LTBP1: variants seen among roughly 807,000 people sequenced by gnomAD.
The protein encoded by LTBP1 is latent-transforming growth factor beta-binding protein 1.
In LTBP1, 129 loss-of-function variants were observed where a neutral mutation model predicts 207.6. The ratio of observed to expected loss-of-function variants is 0.62; its 90% CI spans 0.54 to 0.72. LTBP1 has a LOEUF of 0.72. Among genes scored for constraint, LTBP1 ranks in the 30% least tolerant of loss-of-function variants. The pLI is 0.00. For synonymous variants in LTBP1, 963 were observed against 833.7 expected (o/e 1.16, Z -2.67); for missense variants, 2,281 against 2,217.2 (o/e 1.03, Z -0.58).
chr2:33,268,601 A>G (rs1454671982), intron 15 of LTBP1, among the ~76,000 whole-genome samples: 1 of 152,236 alleles, frequency 6.6e-6, no homozygotes, highest in Non-Finnish European at 1.5e-5. Context: ...TTTCAAGTGA[A>G]TTATATGTTT....
At chr2:33,200,813 G>A (rs556401016) in intron 7 of LTBP1, among the ~76,000 whole-genome samples, 123 of 152,204 alleles carry the variant, frequency 8.1e-4, no homozygotes, top group East Asian at 3.3e-3. Flanking sequence ...AAAAGTGGGC[G>A]AAGGATATGA....
At chr2:33,031,890 G>C (rs2075706378) in intron 3 of LTBP1, among the ~76,000 whole-genome samples, 1 of 152,172 alleles carries the variant, frequency 6.6e-6, no homozygotes, top group Admixed American at 6.5e-5. Context: ...TGGAAAGCCA[G>C]GTCAGGTGGG....
At chr2:33,273,595 G>C in intron 15 of LTBP1, 61 bp from the exon 16 acceptor site, 1 of 1,361,502 alleles carries the variant, frequency 7.3e-7, no homozygotes, top group East Asian at 2.5e-5. Context: ...TACTTTGAGA[G>C]TAGCAGTGAA....
rs114376718 is a variant in LTBP1, at chr2:33,323,972, G to A, written c.3730+8703G>A. ...CTTCTAAGCTGTGTGAACTTGGTGA[G>A]TGCTTCAGTTCCCTCTCTGTATAGT... On this transcript the variant is annotated intron_variant, in intron 24 of 33. Transcript: ENST00000404816. Among the ~76,000 whole-genome samples the A allele has an allele frequency of 3.3e-3, 503 of 152,274 alleles. 3 individuals carry two copies. Among genetic ancestry groups the A allele is most frequent in the African/African-American group, 0.012 (481 of 41,548 alleles).
chr2:33,320,927 T>C (rs1008591299), intron 24 of LTBP1, among the ~76,000 whole-genome samples: 3 of 152,222 alleles, frequency 2.0e-5, no homozygotes, highest in Non-Finnish European at 4.4e-5. Flanking sequence ...TCTTAAAGTC[T>C]TTTTGAAAAC....
intron 5 of LTBP1, among the ~76,000 whole-genome samples, chr2:33,184,381 C>T (rs1180472565): frequency 1.3e-5 from 2 of 152,156 alleles, no homozygotes; most frequent in Non-Finnish European, 2.9e-5. Flanking sequence ...CTCTTCCCTT[C>T]CCTCTAGAAC....
At chr2:33,336,001 A>C (rs2094549945) in intron 24 of LTBP1, among the ~76,000 whole-genome samples, 1 of 152,146 alleles carries the variant, frequency 6.6e-6, no homozygotes, top group Non-Finnish European at 1.5e-5. Context: ...GAGACTTGCA[A>C]CCATGGGTGC....
chr2:33,311,159 C>T (rs370825994), intron 23 of LTBP1, among the ~76,000 whole-genome samples: 24 of 152,124 alleles, frequency 1.6e-4, no homozygotes, highest in Middle Eastern at 3.4e-3. Flanking sequence ...TCTATATTAC[C>T]GGTCACACCC....
chr2:33,155,615 C>G (rs939598465), intron 5 of LTBP1, among the ~76,000 whole-genome samples: 2 of 152,108 alleles, frequency 1.3e-5, no homozygotes, highest in Non-Finnish European at 2.9e-5. Flanking sequence ...CATCTCACCA[C>G]CACCAAGAAG....
intron 5 of LTBP1, among the ~76,000 whole-genome samples, chr2:33,140,506 A>G (rs1250174717): frequency 2.0e-5 from 3 of 152,196 alleles, no homozygotes; most frequent in Non-Finnish European, 2.9e-5. Context: ...AGTAAAAGAA[A>G]GTGGTTGCTT....
At chr2:33,309,977 C>T (rs1477928793) in intron 23 of LTBP1, among the ~76,000 whole-genome samples, 6 of 146,436 alleles carry the variant, frequency 4.1e-5, no homozygotes, top group Admixed American at 2.0e-4. Context: ...GACAGAGTCT[C>T]GCTCTTGTCA....
intron 3 of LTBP1, among the ~76,000 whole-genome samples, chr2:33,077,254 C>T (rs1474450530): frequency 3.9e-5 from 6 of 152,164 alleles, no homozygotes; most frequent in African/African-American, 1.2e-4. Flanking sequence ...AACTGGGATT[C>T]CAAGGAATTA....
intron 5 of LTBP1, among the ~76,000 whole-genome samples, chr2:33,184,020 C>G (rs2086927657): frequency 6.6e-6 from 1 of 152,150 alleles, no homozygotes; most frequent in Non-Finnish European, 1.5e-5. Context: ...CTCTTTTCCT[C>G]CTGTGTCCCA....
chr2:33,196,190 G>A (rs1320797953), intron 7 of LTBP1, among the ~76,000 whole-genome samples: 4 of 152,220 alleles, frequency 2.6e-5, no homozygotes, highest in African/African-American at 4.8e-5. Context: ...GATATTGCCC[G>A]TAGTTTCAGA....
chr2:33,104,253 CCTG>C (rs1241284364), intron 3 of LTBP1, among the ~76,000 whole-genome samples: 23 of 152,146 alleles, frequency 1.5e-4, no homozygotes, highest in Admixed American at 1.5e-3. Flanking sequence ...CGATTGTTTC[CCTG>C]CTGCTAACAA....
intron 12 of LTBP1, among the ~76,000 whole-genome samples, chr2:33,258,184 G>C (rs994782280): frequency 6.6e-6 from 1 of 152,228 alleles, no homozygotes; most frequent in African/African-American, 2.4e-5. Flanking sequence ...CATTCAGGCT[G>C]TGGGGTCATC....
intron 10 of LTBP1, among the ~76,000 whole-genome samples, chr2:33,247,400 A>T (rs1276675645): frequency 2.0e-5 from 3 of 152,228 alleles, no homozygotes; most frequent in Admixed American, 6.5e-5. Context: ...TTAAAACAGG[A>T]TTTGTGCCTC....
At chr2:33,228,697 C>CTTTTTTTTT (rs1244221993) in intron 9 of LTBP1, among the ~76,000 whole-genome samples, 9,297 of 97,900 alleles carry the variant, frequency 0.095, 2,204 homozygotes, top group Non-Finnish European at 0.13. Flanking sequence ...GGGTTATACC[C>CTTTTTTTTT]TTTTTTTTTT....
At chr2:33,391,888 C>G (rs1371430121) in intron 32 of LTBP1, among the ~76,000 whole-genome samples, 1 of 152,218 alleles carries the variant, frequency 6.6e-6, no homozygotes, top group Non-Finnish European at 1.5e-5. Context: ...AATTGAGATG[C>G]AGTTCCAAGA....
Sources: allele counts gnomAD v4.1 joint callset (sites outside exome capture counted in the v4.1 genomes callset), GRCh38; gene constraint gnomAD v4.1.1; transcripts MANE v1.5; gene names NCBI Gene and HGNC (gene_info 2026-07-23, HGNC 2026-07-21).